TMEM117: variants seen among roughly 807,000 people sequenced by gnomAD.
TMEM117 encodes transmembrane protein 117.
Under a neutral mutation model 52.4 loss-of-function variants are expected in TMEM117, and 27 were observed. The ratio of observed to expected loss-of-function variants is 0.51; its 90% CI spans 0.38 to 0.71. The LOEUF (loss-of-function observed/expected upper bound fraction) is 0.71. Ranked by LOEUF, TMEM117 falls within the 30% of genes least tolerant of loss-of-function variation. The pLI, the probability that TMEM117 is intolerant of heterozygous loss-of-function variation, is 0.00. For synonymous variants in TMEM117, 215 were observed against 206.3 expected, an observed-to-expected ratio of 1.04 and a Z score of -0.36; for missense variants, 556 against 630.5, an observed-to-expected ratio of 0.88 and a Z score of 1.26.
intron 3 of TMEM117, among the ~76,000 whole-genome samples, chr12:43,958,666 G>T (rs1195615470): frequency 6.6e-6 from 1 of 152,172 alleles, no homozygotes; most frequent in African/African-American, 2.4e-5. Context: ...GTCACGTGGA[G>T]AACTCATCTG....
At chr12:44,033,651 C>G (rs1379457260) in intron 3 of TMEM117, among the ~76,000 whole-genome samples, 4 of 152,222 alleles carry the variant, frequency 2.6e-5, no homozygotes, top group Non-Finnish European at 5.9e-5. Context: ...TAAACATTTC[C>G]TCAATGATGG....
chr12:44,363,538 T>C (rs1276037679), intron 6 of TMEM117, among the ~76,000 whole-genome samples: 1 of 152,218 alleles, frequency 6.6e-6, no homozygotes, highest in South Asian at 2.1e-4. Flanking sequence ...TGATTAATCA[T>C]AAACTACTGA....
chr12:43,937,016 C>T (rs555367990), intron 2 of TMEM117, among the ~76,000 whole-genome samples: 2 of 152,088 alleles, frequency 1.3e-5, no homozygotes, highest in Non-Finnish European at 2.9e-5. Flanking sequence ...GAAAGGATGG[C>T]TGGACCAAGT....
chr12:44,121,865 C>A (rs1342216735), intron 3 of TMEM117, among the ~76,000 whole-genome samples: 1 of 152,030 alleles, frequency 6.6e-6, no homozygotes, highest in East Asian at 1.9e-4. Flanking sequence ...CTACCCTTAC[C>A]TCAAGTATGC....
intron 3 of TMEM117, among the ~76,000 whole-genome samples, chr12:44,019,242 A>G (rs989503115): frequency 2.0e-5 from 3 of 151,956 alleles, no homozygotes; most frequent in Non-Finnish European, 4.4e-5. Context: ...TGATGCACAC[A>G]AAATCCTGAG....
intron 6 of TMEM117, among the ~76,000 whole-genome samples, chr12:44,300,722 A>C (rs1315176612): frequency 6.6e-6 from 1 of 152,224 alleles, no homozygotes; most frequent in Admixed American, 6.5e-5. Context: ...TTTAATGGAT[A>C]ATATTTTAAA....
At chr12:43,861,727 C>T (rs757337273) in intron 2 of TMEM117, among the ~76,000 whole-genome samples, 9 of 152,134 alleles carry the variant, frequency 5.9e-5, no homozygotes, top group African/African-American at 9.7e-5. Context: ...TACATTCATT[C>T]GAGAGATATT....
chr12:44,019,397 G>A (rs1287134075), intron 3 of TMEM117, among the ~76,000 whole-genome samples: 1 of 151,984 alleles, frequency 6.6e-6, no homozygotes, highest in African/African-American at 2.4e-5. Flanking sequence ...AGTGGCAGAG[G>A]GAGAAACAGA....
chr12:43,919,667 T>A (rs964287976), intron 2 of TMEM117, among the ~76,000 whole-genome samples: 1 of 152,070 alleles, frequency 6.6e-6, no homozygotes, highest in Non-Finnish European at 1.5e-5. Context: ...TATCCAGAAA[T>A]TCAATAGCTA....
intron 3 of TMEM117, among the ~76,000 whole-genome samples, chr12:43,971,128 G>C (rs971989802): frequency 6.6e-6 from 1 of 151,992 alleles, no homozygotes; most frequent in African/African-American, 2.4e-5. Flanking sequence ...CATGCATATA[G>C]TAAATCACAA....
chr12:43,861,392 G>T (rs549761799), intron 2 of TMEM117, among the ~76,000 whole-genome samples: 1 of 152,134 alleles, frequency 6.6e-6, no homozygotes. Context: ...TAGATCAGGC[G>T]CATGAAAATG....
chr12:43,802,737 G>C, the TMEM117 span, among the ~76,000 whole-genome samples: 21 of 152,174 alleles, frequency 1.4e-4, no homozygotes, highest in Middle Eastern at 0.01. Flanking sequence ...GAACTGAATG[G>C]TCAAATAATG....
chr12:44,370,952 A>G (rs1009092486), intron 6 of TMEM117, among the ~76,000 whole-genome samples: 10 of 152,226 alleles, frequency 6.6e-5, no homozygotes, highest in Non-Finnish European at 1.3e-4. Context: ...TGGAGCTTAC[A>G]TTAATAAACA....
intron 3 of TMEM117, among the ~76,000 whole-genome samples, chr12:44,127,958 T>C (rs1468930337): frequency 2.0e-5 from 3 of 152,214 alleles, no homozygotes. Flanking sequence ...TGGTTCTGTT[T>C]CTCTGGAGAA....
chr12:44,182,504 G>A (rs914296508), intron 4 of TMEM117, among the ~76,000 whole-genome samples: 4 of 152,024 alleles, frequency 2.6e-5, no homozygotes, highest in South Asian at 2.1e-4. Context: ...ATTCAACAAC[G>A]CTTCATGCTA....
intron 5 of TMEM117, among the ~76,000 whole-genome samples, chr12:44,229,224 G>A (rs1949903088): frequency 6.6e-6 from 1 of 152,198 alleles, no homozygotes; most frequent in Admixed American, 6.6e-5. Flanking sequence ...ATGCCTGCTA[G>A]CCACCCAAGT....
chr12:44,281,313 C>T (rs1950574187), intron 5 of TMEM117, among the ~76,000 whole-genome samples: 1 of 151,840 alleles, frequency 6.6e-6, no homozygotes, highest in Non-Finnish European at 1.5e-5. Context: ...CCTTCCTAGC[C>T]ATTATGTCAT....
intron 4 of TMEM117, among the ~76,000 whole-genome samples, chr12:44,197,834 G>A (rs1469115665): frequency 2.6e-5 from 4 of 152,124 alleles, no homozygotes; most frequent in African/African-American, 9.7e-5. Context: ...TAGGGATCCA[G>A]CAATAAGGTG....
intron 2 of TMEM117, among the ~76,000 whole-genome samples, chr12:43,868,590 A>C (rs990496869): frequency 6.8e-5 from 10 of 147,722 alleles, no homozygotes; most frequent in East Asian, 2.0e-4. Context: ...AAAAAAAAAC[A>C]CACACACTTC....
Sources: allele counts gnomAD v4.1 joint callset (sites outside exome capture counted in the v4.1 genomes callset), GRCh38; gene constraint gnomAD v4.1.1; transcripts MANE v1.5; gene names NCBI Gene and HGNC (gene_info 2026-07-23, HGNC 2026-07-21).